RPS20: variants seen among roughly 807,000 people sequenced by gnomAD.
RPS20 encodes small ribosomal subunit protein uS10.
A neutral mutation model predicts 15.3 loss-of-function variants in RPS20; 3 were observed. The ratio of observed to expected loss-of-function variants is 0.20; its 90% CI spans 0.09 to 0.51. RPS20 has a LOEUF of 0.51. Ranked by LOEUF, RPS20 falls within the 20% of genes least tolerant of loss-of-function variation. The pLI, the probability that RPS20 is intolerant of heterozygous loss-of-function variation, is 0.96. For synonymous variants in RPS20, 62 were observed against 47.8 expected (o/e 1.30, Z -1.23); for missense variants, 67 against 145.9 (o/e 0.46, Z 2.79).
At chr8:56,072,551 C>A (rs1338102974), downstream of RPS20, among the ~76,000 whole-genome samples, 1 of 144,612 alleles carries the variant, frequency 6.9e-6, no homozygotes, top group African/African-American at 2.6e-5. Context: ...AACGCCGTCC[C>A]CCCCCCCAAA....
chr8:56,072,919 A>G (rs1468738770), downstream of RPS20: 1 of 1,366,402 alleles, frequency 7.3e-7, no homozygotes, highest in Non-Finnish European at 9.4e-7. Context: ...CCAGTTTTCA[A>G]ATGACTCAAA....
At chr8:56,072,791 G>GCCCCAGAAACCTTAACA, downstream of RPS20, 1 of 887,720 alleles carries the variant, frequency 1.1e-6, no homozygotes, top group African/African-American at 1.8e-5. Context: ...CATTACAAAC[G>GCCCCAGAAACCTTAACA]CCCCAGAAAC....
chr8:56,071,538 G>C (rs1327302579), downstream of RPS20, among the ~76,000 whole-genome samples: 1 of 152,222 alleles, frequency 6.6e-6, no homozygotes, highest in Non-Finnish European at 1.5e-5. Context: ...GGAATTGGAT[G>C]TTGGGTAACA....
downstream of RPS20, among the ~76,000 whole-genome samples, chr8:56,069,389 C>T (rs866589302): frequency 6.6e-6 from 1 of 152,242 alleles, no homozygotes. Context: ...ACCTCTGCCT[C>T]CCAGGTTCAA....
At chr8:56,074,193 C>A in intron 1 of RPS20, 34 bp from the exon 2 acceptor site, 1 of 1,578,214 alleles carries the variant, frequency 6.3e-7, no homozygotes, top group Non-Finnish European at 8.7e-7. Flanking sequence ...AACAATAAGC[C>A]AAAAATGGTC....
chr8:56,069,572 T>C (rs1017337487), downstream of RPS20: 7 of 672,620 alleles, frequency 1.0e-5, no homozygotes, highest in Non-Finnish European at 1.6e-5. Context: ...GTGCTGAGAT[T>C]ACAGGTGTGA....
chr8:56,072,962 T>C (rs1378616856), downstream of RPS20: 2 of 1,439,064 alleles, frequency 1.4e-6, no homozygotes, highest in African/African-American at 1.4e-5. Context: ...CACTCTAAGA[T>C]ACCCATATAT....
downstream of RPS20, among the ~76,000 whole-genome samples, chr8:56,071,605 A>C (rs16920295): frequency 0.022 from 3,322 of 152,312 alleles, 114 homozygotes; most frequent in African/African-American, 0.068. Flanking sequence ...TTCAGTAGAC[A>C]ATGGATTCAG....
chr8:56,072,561 A>C (rs1411719497), downstream of RPS20, among the ~76,000 whole-genome samples: 3 of 150,974 alleles, frequency 2.0e-5, no homozygotes, highest in African/African-American at 7.3e-5. Flanking sequence ...CCCCCCCCAA[A>C]AAAAAAAAGT....
In RPS20 at chr8:56,073,225, C is replaced by T; in HGVS notation, c.225G>A (p.Lys75=). The change falls in exon 4 of 4, where the codon AAG becomes AAA. Residue 75 remains lysine, a synonymous_variant. Transcript: ENST00000009589. The part of the protein sequence containing the change: ...TRKTPCGEGS[K]TWDRFQMRIH... ...TTCTCATCTGGAAACGATCCCACGT[C>T]TTAGAACCTTCACCACAAGGAGTTT... is the stretch of plus-strand genomic sequence containing the variant. 6.2e-7 allele frequency: 1 copy of T among 1,606,662 alleles called. No individual in the cohort carries two copies. Among genetic ancestry groups the T allele is most frequent in the Non-Finnish European group, 8.5e-7 (1 of 1,179,828 alleles).
chr8:56,070,671 G>T (rs528632845), downstream of RPS20, among the ~76,000 whole-genome samples: 1 of 151,168 alleles, frequency 6.6e-6, no homozygotes, highest in Non-Finnish European at 1.5e-5. Context: ...GAAGGCTGCA[G>T]CGAGCCATGT....
At chr8:56,073,974 G>A (rs1216054948) in intron 2 of RPS20, 86 bp downstream of exon 2, 11 of 1,224,110 alleles carry the variant, frequency 9.0e-6, no homozygotes, top group South Asian at 1.2e-5. Flanking sequence ...AGTTCTTGCA[G>A]TCCACCTTCT....
At chr8:56,071,218 T>C (rs924708420), downstream of RPS20, among the ~76,000 whole-genome samples, 6 of 152,238 alleles carry the variant, frequency 3.9e-5, no homozygotes, top group African/African-American at 1.4e-4. Context: ...GAAGTGTATT[T>C]TTCACAGTAT....
intron 1 of RPS20, 66 bp downstream of exon 1, chr8:56,074,315 C>T (rs1809870309): frequency 4.5e-6 from 7 of 1,547,558 alleles, no homozygotes; most frequent in Middle Eastern, 1.7e-4. Flanking sequence ...AGCACGAACT[C>T]GAAACCGGGG....
At chr8:56,073,050 G>A (rs540399554), downstream of RPS20, 92 of 1,580,768 alleles carry the variant, frequency 5.8e-5, no homozygotes, top group Non-Finnish European at 7.8e-5. Context: ...AAAACCAACA[G>A]AAGTTAACAA....
chr8:56,071,213 G>T (rs1196990721), downstream of RPS20, among the ~76,000 whole-genome samples: 2 of 152,160 alleles, frequency 1.3e-5, no homozygotes, highest in African/African-American at 4.8e-5. Flanking sequence ...TTACTGAAGT[G>T]TATTTTTCAC....
At chr8:56,069,740 A>G, downstream of RPS20, 2 of 1,551,546 alleles carry the variant, frequency 1.3e-6, no homozygotes, top group Non-Finnish European at 8.7e-7. Flanking sequence ...GAATGCAGTT[A>G]AAAAGGACAT....
At position 56,074,389 on chromosome 8, in the gene RPS20, T is replaced by C. The variant is rs1128142; in HGVS notation, c.-6A>G. On this transcript the variant is annotated 5_prime_UTR_variant, in exon 1 of 4. Transcript: ENST00000009589. ...GCCGACTGCCGCCTCACCATGGCTG[T>C]TGCGCGCGGGCTTCCTGACCGACTT... 76,994 of 1,560,114 alleles carry C rather than the reference T, an allele frequency of 0.049. 3,470 individuals carry two copies. Among genetic ancestry groups the C allele is most frequent in the African/African-American group, 0.24 (17,647 of 73,792 alleles).
chr8:56,073,656 G>T, intron 3 of RPS20, 39 bp downstream of exon 3: 1 of 1,549,900 alleles, frequency 6.5e-7, no homozygotes, highest in East Asian at 2.2e-5. Context: ...GCAACATCCG[G>T]AAGCAACTCC....
Sources: gnomAD v4.1 joint callset for allele counts (sites outside exome capture counted in the v4.1 genomes callset) on GRCh38, gnomAD v4.1.1 for gene constraint, MANE v1.5 for transcripts, NCBI Gene and HGNC (gene_info 2026-07-23, HGNC 2026-07-21) for gene names.